Variants in SCFD2 observed in about 807,000 individuals in gnomAD.
SCFD2 encodes the protein sec1 family domain-containing protein 2.
In SCFD2, 54 loss-of-function variants were observed where a neutral mutation model predicts 58.9. The observed-to-expected ratio is 0.92, with a 90% confidence interval of 0.74 to 1.15. SCFD2 has a LOEUF of 1.15. Ranked by LOEUF, SCFD2 falls within the 50% of genes most tolerant of loss-of-function variation. The probability of loss-of-function intolerance (pLI) is 0.00; values close to 1 mark genes in which losing one functional copy is unlikely to be tolerated. For synonymous variants in SCFD2, 321 were observed against 335.9 expected (o/e 0.96, Z 0.49); for missense variants, 805 against 836.6 (o/e 0.96, Z 0.47).
At chr4:53,294,906 C>T (rs578074731) in intron 3 of SCFD2, among the ~76,000 whole-genome samples, 39 of 152,300 alleles carry the variant, frequency 2.6e-4, no homozygotes, top group Admixed American at 2.4e-3. Context: ...ATTCTTTCCC[C>T]ATTGCTTGTT....
intron 5 of SCFD2, among the ~76,000 whole-genome samples, chr4:53,097,291 T>C (rs1194735771): frequency 2.0e-5 from 3 of 152,226 alleles, no homozygotes; most frequent in Non-Finnish European, 2.9e-5. Flanking sequence ...ATTGAATCTA[T>C]AAATTACCTT....
intron 5 of SCFD2, among the ~76,000 whole-genome samples, chr4:52,926,920 T>G (rs1182985659): frequency 6.6e-6 from 1 of 152,218 alleles, no homozygotes; most frequent in East Asian, 1.9e-4. Flanking sequence ...GAGTCTTTTC[T>G]CATGGCTTTC....
At chr4:53,291,764 AC>A (rs1731847722) in intron 3 of SCFD2, among the ~76,000 whole-genome samples, 2 of 152,168 alleles carry the variant, frequency 1.3e-5, no homozygotes, top group African/African-American at 4.8e-5. Context: ...ACAGCATGGT[AC>A]TGGTACCAAA....
At chr4:53,249,966 T>A (rs945212329) in intron 4 of SCFD2, among the ~76,000 whole-genome samples, 1 of 152,182 alleles carries the variant, frequency 6.6e-6, no homozygotes, top group African/African-American at 2.4e-5. Context: ...ACTTTAAATG[T>A]AAATGAACTA....
At chr4:53,057,800 A>G (rs1723390131) in intron 5 of SCFD2, among the ~76,000 whole-genome samples, 1 of 152,148 alleles carries the variant, frequency 6.6e-6, no homozygotes, top group South Asian at 2.1e-4. Flanking sequence ...TACTTTCCCA[A>G]ATGTGGTAGA....
intron 4 of SCFD2, among the ~76,000 whole-genome samples, chr4:53,252,259 T>C (rs1162893570): frequency 8.9e-5 from 13 of 146,060 alleles, no homozygotes; most frequent in South Asian, 6.9e-4. Flanking sequence ...GGAAGAACAT[T>C]CCATGCTCAT....
chr4:52,877,473 G>T (rs1450034970), intron 8 of SCFD2, among the ~76,000 whole-genome samples: 1 of 152,126 alleles, frequency 6.6e-6, no homozygotes, highest in South Asian at 2.1e-4. Flanking sequence ...CCCTGGCTGG[G>T]CCACTTGCTA....
At chr4:52,922,399 G>T (rs372755924) in intron 5 of SCFD2, among the ~76,000 whole-genome samples, 1 of 151,696 alleles carries the variant, frequency 6.6e-6, no homozygotes, top group African/African-American at 2.4e-5. Context: ...TGTCTCTGTG[G>T]ATTTACCTAT....
intron 4 of SCFD2, among the ~76,000 whole-genome samples, chr4:53,164,428 C>T (rs1726943873): frequency 6.6e-6 from 1 of 152,158 alleles, no homozygotes; most frequent in African/African-American, 2.4e-5. Context: ...CTAGGTCCAG[C>T]CAGCTAGTCC....
intron 4 of SCFD2, among the ~76,000 whole-genome samples, chr4:53,267,101 T>A (rs534473704): frequency 6.6e-6 from 1 of 152,258 alleles, no homozygotes; most frequent in South Asian, 2.1e-4. Flanking sequence ...ACCGATTTCT[T>A]TTTTTTAGCT....
intron 4 of SCFD2, among the ~76,000 whole-genome samples, chr4:53,166,490 T>C (rs1317286529): frequency 1.3e-5 from 2 of 152,072 alleles, no homozygotes; most frequent in African/African-American, 2.4e-5. Flanking sequence ...ACCTGCCTTA[T>C]AAGGAGGTAC....
At chr4:53,162,717 G>T (rs1040831490) in intron 4 of SCFD2, among the ~76,000 whole-genome samples, 3 of 151,646 alleles carry the variant, frequency 2.0e-5, no homozygotes, top group Non-Finnish European at 4.4e-5. Flanking sequence ...GGGGAGTGGG[G>T]AGGGATAGCA....
chr4:52,986,624 G>C (rs565934088), intron 5 of SCFD2, among the ~76,000 whole-genome samples: 1 of 146,238 alleles, frequency 6.8e-6, no homozygotes, highest in East Asian at 2.1e-4. Context: ...TCAGCCTCCC[G>C]AGTAGCTGGG....
At chr4:53,234,713 T>A (rs1479647221) in intron 4 of SCFD2, among the ~76,000 whole-genome samples, 2 of 152,206 alleles carry the variant, frequency 1.3e-5, no homozygotes, top group African/African-American at 4.8e-5. Flanking sequence ...AGCACAAGCA[T>A]CAAGATAATT....
chr4:52,899,484 C>G (rs1180754993), intron 7 of SCFD2, among the ~76,000 whole-genome samples: 6 of 152,236 alleles, frequency 3.9e-5, no homozygotes, highest in Non-Finnish European at 8.8e-5. Flanking sequence ...GGCCCCCACT[C>G]TCTTCTGGCT....
chr4:53,148,648 A>T (rs1726409968), intron 4 of SCFD2, among the ~76,000 whole-genome samples: 1 of 152,088 alleles, frequency 6.6e-6, no homozygotes, highest in Non-Finnish European at 1.5e-5. Flanking sequence ...TTCTTTTTTT[A>T]AAAACTTTAC....
chr4:53,258,897 AT>A (rs1225291871), intron 4 of SCFD2, among the ~76,000 whole-genome samples: 75 of 151,584 alleles, frequency 4.9e-4, no homozygotes, highest in African/African-American at 1.7e-3. Flanking sequence ...CTATTTTTTT[AT>A]TTTTTTATTA....
intron 4 of SCFD2, among the ~76,000 whole-genome samples, chr4:53,150,505 T>G (rs1726472863): frequency 6.6e-6 from 1 of 152,216 alleles, no homozygotes; most frequent in Non-Finnish European, 1.5e-5. Flanking sequence ...ATTCTTAGAA[T>G]GGAACCTTGA....
At chr4:52,877,697 G>A (rs1450109358) in intron 8 of SCFD2, among the ~76,000 whole-genome samples, 5 of 152,268 alleles carry the variant, frequency 3.3e-5, no homozygotes, top group East Asian at 3.9e-4. Context: ...GTGCATCCCC[G>A]GCTGCATCCT....
Sources: gnomAD v4.1 joint callset for allele counts (sites outside exome capture counted in the v4.1 genomes callset) on GRCh38, gnomAD v4.1.1 for gene constraint, MANE v1.5 for transcripts, NCBI Gene and HGNC (gene_info 2026-07-23, HGNC 2026-07-21) for gene names.